ZCCHC4: variants seen among roughly 807,000 people sequenced by gnomAD.
ZCCHC4 encodes the protein zinc finger CCHC-type containing 4, also known as rRNA N(6)-adenosine-methyltransferase ZCCHC4.
ZCCHC4 carries 54 observed loss-of-function variants against 67.7 expected under a neutral mutation model. That is an observed-to-expected ratio of 0.80 (90% CI 0.64 to 1.00). ZCCHC4 has a LOEUF of 1.00. ZCCHC4 is among the 50% of genes least tolerant of loss of function. The pLI, the probability that ZCCHC4 is intolerant of heterozygous loss-of-function variation, is 0.00. For synonymous variants in ZCCHC4, 198 were observed against 213.5 expected, an observed-to-expected ratio of 0.93 and a Z score of 0.63; for missense variants, 609 against 617.0, an observed-to-expected ratio of 0.99 and a Z score of 0.14.
chr4:25,314,127 G>A lies in ZCCHC4; in HGVS notation c.209G>A (p.Arg70Lys), dbSNP rs1560394187. The A allele has an allele frequency of 1.2e-6, 2 of 1,607,140 alleles. No individual in the cohort carries two copies. Among genetic ancestry groups the A allele is most frequent in the Admixed American group, 3.5e-5 (2 of 57,938 alleles). ...TATGCCTGTTCAGCCTGTAGAGATA[G>A]AAAAGACTGTAATTTTTTTCAGTGG... is the stretch of plus-strand genomic sequence containing the variant. ...RFYACSACRD[R>K]KDCNFFQWED... Residue 70 changes from arginine (R) to lysine (K), a missense_variant, in exon 2 of 13, where the codon AGA becomes AAA. Coordinates refer to ENST00000302874, the MANE Select transcript of ZCCHC4 (RefSeq NM_024936.3).
chr4:25,333,487 T>G lies in ZCCHC4; in HGVS notation c.605+29T>G, dbSNP rs745639236. The G allele has an allele frequency of 3.1e-6, 5 of 1,608,704 alleles. No homozygotes were observed. The African/African-American group carries it at 6.7e-5, about 22-fold the overall frequency. Reference sequence around the variant, plus strand: ...TGTCATGTGATTTTTTAAAGAATTATCTTCTCACCACTATTGAAACTGTAT... The same window carrying G: ...TGTCATGTGATTTTTTAAAGAATTAGCTTCTCACCACTATTGAAACTGTAT... On this transcript the variant is annotated intron_variant, in intron 4 of 12. Transcript: ENST00000302874.
At chr4:25,315,178 C>T (rs1718186188) in intron 2 of ZCCHC4, 140 bp from the exon 3 acceptor site, 12 of 651,810 alleles carry the variant, frequency 1.8e-5, no homozygotes, top group African/African-American at 5.5e-5. Flanking sequence ...TCCCAGTTTT[C>T]GCTGTTTTGT....
intron 3 of ZCCHC4, among the ~76,000 whole-genome samples, chr4:25,324,577 A>G (rs1158412523): frequency 6.6e-6 from 1 of 152,194 alleles, no homozygotes; most frequent in African/African-American, 2.4e-5. Flanking sequence ...AATACTAGGA[A>G]TAGAGTAGCT....
intron 3 of ZCCHC4, among the ~76,000 whole-genome samples, chr4:25,329,109 T>C (rs7694210): frequency 0.83 from 126,089 of 151,936 alleles, 52,663 homozygotes; most frequent in African/African-American, 0.92. Flanking sequence ...ACTGCTTGAG[T>C]CTGGGAGGTC....
At chr4:25,362,372 C>CT (rs1720778267) in intron 10 of ZCCHC4, 71 bp downstream of exon 10, 1 of 1,015,240 alleles carries the variant, frequency 9.8e-7, no homozygotes, top group Non-Finnish European at 1.4e-6. Flanking sequence ...AGTTTTATTA[C>CT]TTTTTCAATG....
At chr4:25,367,203 C>T (rs1020912571) in intron 12 of ZCCHC4, among the ~76,000 whole-genome samples, 2 of 152,114 alleles carry the variant, frequency 1.3e-5, no homozygotes, top group African/African-American at 4.8e-5. Flanking sequence ...TGGAATGATG[C>T]TGGCTCCCTC....
intron 4 of ZCCHC4, among the ~76,000 whole-genome samples, chr4:25,333,668 G>C (rs1257878024): frequency 6.6e-6 from 1 of 152,154 alleles, no homozygotes; most frequent in Non-Finnish European, 1.5e-5. Context: ...CATGAGAGAA[G>C]ATTCTTTCTG....
chr4:25,356,458 T>A (rs1720522279), intron 8 of ZCCHC4, among the ~76,000 whole-genome samples: 2 of 152,150 alleles, frequency 1.3e-5, no homozygotes, highest in Admixed American at 1.3e-4. Flanking sequence ...CATTTAAAAA[T>A]AATAATAATC....
chr4:25,368,958 A>C (rs1221239528), intron 12 of ZCCHC4, 71 bp from the exon 13 acceptor site: 15 of 1,517,114 alleles, frequency 9.9e-6, no homozygotes. Flanking sequence ...TAGCTAGTTA[A>C]TTAAACTTCA....
At position 25,361,896 on chromosome 4, in the gene ZCCHC4, A is replaced by G; in HGVS notation, c.1049A>G (p.Lys350Arg). 1.2e-6 allele frequency: 2 copies of G among 1,613,890 alleles called. No homozygotes were observed. The highest frequency in any genetic ancestry group is 2.2e-5 in the South Asian group (2 of 90,974). ...YDNHALYKHG[K>R]TGRKQSPVRI... ...AATCATGCACTTTATAAACACGGAA[A>G]GACAGGTCGAAAACAGTCTCCCGTG... The change falls in exon 9 of 13, where the codon AAG becomes AGG. Residue 350 changes from lysine to arginine, a missense_variant. By Grantham distance (26) the Lys-to-Arg change is conservative. Transcript: ENST00000302874.
chr4:25,333,412 C>G lies in ZCCHC4; in HGVS notation c.559C>G (p.Leu187Val). ...DRSCQFLVDL[L>V]SALGFRRVLC... ...GAGCTGTCAGTTCTTGGTAGACTTACTTTCTGCCCTCGGATTCAGAAGAGT... is the reference window on the plus strand; with the variant it reads ...GAGCTGTCAGTTCTTGGTAGACTTAGTTTCTGCCCTCGGATTCAGAAGAGT... Residue 187 changes from leucine (L) to valine (V), a missense_variant, in exon 4 of 13, where the codon CTT becomes GTT. Transcript: ENST00000302874. 1 of 1,614,218 alleles carries G rather than the reference C, an allele frequency of 6.2e-7. No homozygotes were observed. Among genetic ancestry groups the G allele is most frequent in the East Asian group, 2.2e-5 (1 of 44,880 alleles).
intron 6 of ZCCHC4, among the ~76,000 whole-genome samples, chr4:25,346,087 C>T (rs1425635076): frequency 6.6e-6 from 1 of 152,156 alleles, no homozygotes; most frequent in Non-Finnish European, 1.5e-5. Context: ...CCTCCCCCGA[C>T]CCCTACTCCC....
intron 6 of ZCCHC4, among the ~76,000 whole-genome samples, chr4:25,347,245 A>G (rs1011591544): frequency 2.0e-5 from 3 of 152,220 alleles, no homozygotes; most frequent in Admixed American, 6.5e-5. Flanking sequence ...ATTTTGAACA[A>G]TGAAGACAAA....
At chr4:25,338,032 C>T (rs1326382102) in intron 5 of ZCCHC4, among the ~76,000 whole-genome samples, 1 of 152,178 alleles carries the variant, frequency 6.6e-6, no homozygotes, top group Non-Finnish European at 1.5e-5. Context: ...CTTTTTTATG[C>T]ATATAAACAT....
intron 8 of ZCCHC4, among the ~76,000 whole-genome samples, chr4:25,358,102 T>G (rs1018383707): frequency 1.3e-5 from 2 of 152,174 alleles, no homozygotes; most frequent in African/African-American, 4.8e-5. Context: ...CTAATAGAAG[T>G]CATGCTTGTT....
intron 5 of ZCCHC4, 101 bp downstream of exon 5, chr4:25,334,089 A>G: frequency 1.5e-6 from 1 of 681,886 alleles, no homozygotes; most frequent in Non-Finnish European, 2.2e-6. Context: ...TCTTTAGTTT[A>G]CATCTAGAAG....
At chr4:25,350,140 T>G (rs1276933147) in intron 7 of ZCCHC4, among the ~76,000 whole-genome samples, 1 of 152,062 alleles carries the variant, frequency 6.6e-6, no homozygotes, top group Admixed American at 6.6e-5. Flanking sequence ...TCCCATAGGC[T>G]GATTGTGGTT....
At position 25,315,372 on chromosome 4, in the gene ZCCHC4, C is replaced by G. The variant is rs752908464; in HGVS notation, c.301C>G (p.Pro101Ala). The part of the protein sequence containing the change: ...REAHNRRCQP[P>A]LSRTQCVERY... ...AGCTCATAACCGAAGATGTCAGCCT[C>G]CCCTGTCCCGAACGCAGTGTGTGGA... The change falls in exon 3 of 13, where the codon CCC becomes GCC. Residue 101 changes from proline (P) to alanine (A), a missense_variant. By Grantham distance (27) the Pro-to-Ala change is conservative. Transcript: ENST00000302874. 4 of 1,613,234 alleles carry G rather than the reference C, an allele frequency of 2.5e-6. No homozygotes were observed. The Admixed American group carries it at 5.0e-5, about 20-fold the overall frequency.
chr4:25,322,796 G>A lies in ZCCHC4; in HGVS notation c.329+7396G>A, dbSNP rs141392826. On this transcript the variant is annotated intron_variant, in intron 3 of 12. Transcript: ENST00000302874. Reference sequence around the variant, plus strand: ...GCCTCCCGAAGTGCTGGGATTACAGGCATGAACCGCTGCACCTGGCCTGAA... The same window carrying A: ...GCCTCCCGAAGTGCTGGGATTACAGACATGAACCGCTGCACCTGGCCTGAA... Among the ~76,000 whole-genome samples the A allele has an allele frequency of 3.2e-3, 487 of 152,284 alleles. 1 individual carries two copies. The highest frequency in any genetic ancestry group is 0.011 in the African/African-American group (470 of 41,544).
Sources: allele counts gnomAD v4.1 joint callset (sites outside exome capture counted in the v4.1 genomes callset), GRCh38; gene constraint gnomAD v4.1.1; transcripts MANE v1.5; gene names NCBI Gene and HGNC (gene_info 2026-07-23, HGNC 2026-07-21).